Variants in GRIP1 observed in about 807,000 individuals in gnomAD.
GRIP1 encodes the protein glutamate receptor-interacting protein 1.
GRIP1 carries 45 observed loss-of-function variants against 129.9 expected under a neutral mutation model. The observed-to-expected ratio is 0.35, with a 90% confidence interval of 0.27 to 0.44. GRIP1 has a LOEUF of 0.44. Ranked by LOEUF, GRIP1 falls within the 20% of genes least tolerant of loss-of-function variation. The probability of loss-of-function intolerance (pLI) is 1.00; values close to 1 mark genes in which losing one functional copy is unlikely to be tolerated. For synonymous variants in GRIP1, 530 were observed against 520.8 expected, an observed-to-expected ratio of 1.02 and a Z score of -0.24; for missense variants, 1,196 against 1,396.8, an observed-to-expected ratio of 0.86 and a Z score of 2.29.
intron 7 of GRIP1, among the ~76,000 whole-genome samples, chr12:66,511,108 T>C (rs2060685392): frequency 6.6e-6 from 1 of 152,082 alleles, no homozygotes; most frequent in Non-Finnish European, 1.5e-5. Context: ...ATCATGGTGG[T>C]GGGTCTTTCC....
At chr12:66,897,534 C>T (rs1346465698) in intron 1 of GRIP1, among the ~76,000 whole-genome samples, 3 of 152,200 alleles carry the variant, frequency 2.0e-5, no homozygotes, top group African/African-American at 7.2e-5. Flanking sequence ...TCAGCCGCTT[C>T]AGAACATATG....
chr12:66,678,829 A>C, intron 1 of GRIP1, 21 bp downstream of exon 1: 3 of 1,609,264 alleles, frequency 1.9e-6, no homozygotes, highest in Non-Finnish European at 2.6e-6. Context: ...CGCTGAGGGA[A>C]TAACAAGGAA....
At chr12:66,373,037 CACA>C (rs2055599272) in intron 22 of GRIP1, among the ~76,000 whole-genome samples, 1 of 152,162 alleles carries the variant, frequency 6.6e-6, no homozygotes, top group Non-Finnish European at 1.5e-5. Flanking sequence ...ATTTAAGCCT[CACA>C]ACAACTCTAT....
intron 7 of GRIP1, among the ~76,000 whole-genome samples, chr12:66,485,157 G>T (rs1161306875): frequency 6.6e-6 from 1 of 152,144 alleles, no homozygotes; most frequent in Non-Finnish European, 1.5e-5. Flanking sequence ...AAGGGAATGA[G>T]AATTCCAGTT....
At chr12:66,659,463 T>C (rs530380479) in intron 1 of GRIP1, among the ~76,000 whole-genome samples, 39 of 152,198 alleles carry the variant, frequency 2.6e-4, no homozygotes, top group Non-Finnish European at 4.9e-4. Context: ...TGCAAACAAC[T>C]TTGCTCTATT....
chr12:66,536,537 C>T (rs895574436), intron 4 of GRIP1, among the ~76,000 whole-genome samples: 2 of 152,090 alleles, frequency 1.3e-5, no homozygotes, highest in Non-Finnish European at 2.9e-5. Flanking sequence ...ACTCTTTTCC[C>T]CCAGAAATCC....
chr12:66,713,010 C>T (rs944770100), intron 1 of GRIP1, among the ~76,000 whole-genome samples: 1 of 151,932 alleles, frequency 6.6e-6, no homozygotes, highest in Non-Finnish European at 1.5e-5. Context: ...ACATGACATA[C>T]TCAAAAAATT....
chr12:66,841,136 G>T (rs911398950), intron 1 of GRIP1, among the ~76,000 whole-genome samples: 2 of 152,102 alleles, frequency 1.3e-5, no homozygotes, highest in Non-Finnish European at 2.9e-5. Context: ...AGGTCACAAA[G>T]ATATAAGGAA....
intron 1 of GRIP1, among the ~76,000 whole-genome samples, chr12:66,766,473 G>T (rs956344062): frequency 2.0e-5 from 3 of 152,184 alleles, no homozygotes; most frequent in Non-Finnish European, 4.4e-5. Flanking sequence ...TGTACTTTGA[G>T]GTCACATGAC....
rs186991315 is a variant in GRIP1, at chr12:66,575,031, G to A, written c.136+21816C>T. Reference sequence around the variant, plus strand: ...AGGTGATCTGCCTGCCTCAGCCTCCGAAAGTATTGGGATTACAGGCATTAG... The same window carrying A: ...AGGTGATCTGCCTGCCTCAGCCTCCAAAAGTATTGGGATTACAGGCATTAG... On this transcript the variant is annotated intron_variant, in intron 2 of 24. Transcript: ENST00000359742. 1.6e-4 allele frequency among the ~76,000 whole-genome samples: 25 copies of A among 151,938 alleles called. No homozygotes were observed. In the East Asian group the frequency reaches 2.5e-3, roughly 15 times the overall value.
chr12:66,749,050 G>T (rs1424941147), intron 1 of GRIP1, among the ~76,000 whole-genome samples: 3 of 152,186 alleles, frequency 2.0e-5, no homozygotes, highest in African/African-American at 7.2e-5. Context: ...TATGCAAACT[G>T]TATCAGAGAC....
chr12:66,550,594 A>G (rs1493492), intron 2 of GRIP1, among the ~76,000 whole-genome samples: 38,063 of 152,072 alleles, frequency 0.25, 4,902 homozygotes, highest in Admixed American at 0.28. Flanking sequence ...GTTTATCCAT[A>G]TACCCTACTT....
chr12:66,887,726 C>T (rs1415397218), intron 1 of GRIP1, among the ~76,000 whole-genome samples: 1 of 152,186 alleles, frequency 6.6e-6, no homozygotes, highest in Non-Finnish European at 1.5e-5. Context: ...TATAAGCTTA[C>T]ACTTTTCTTT....
intron 7 of GRIP1, among the ~76,000 whole-genome samples, chr12:66,489,866 A>G (rs2060058442): frequency 6.6e-6 from 1 of 152,152 alleles, no homozygotes; most frequent in Non-Finnish European, 1.5e-5. Context: ...TCATAAATGA[A>G]CTCCCATTCA....
chr12:66,483,306 T>C (rs963490653), intron 7 of GRIP1, among the ~76,000 whole-genome samples: 5 of 152,214 alleles, frequency 3.3e-5, no homozygotes, highest in Non-Finnish European at 5.9e-5. Context: ...AATACATTTT[T>C]TTAAATATTT....
intron 1 of GRIP1, among the ~76,000 whole-genome samples, chr12:66,752,124 T>C (rs1401520529): frequency 6.6e-6 from 1 of 152,174 alleles, no homozygotes; most frequent in East Asian, 1.9e-4. Context: ...GTCCATATTA[T>C]GAAACGATAT....
chr12:66,600,792 T>C (rs1261276069), intron 1 of GRIP1, among the ~76,000 whole-genome samples: 1 of 152,238 alleles, frequency 6.6e-6, no homozygotes, highest in African/African-American at 2.4e-5. Flanking sequence ...ATGATCATAT[T>C]AACAAGGGAT....
intron 7 of GRIP1, among the ~76,000 whole-genome samples, chr12:66,498,737 C>T (rs549900048): frequency 6.6e-6 from 1 of 152,160 alleles, no homozygotes; most frequent in South Asian, 2.1e-4. Flanking sequence ...ATCTTTAAAA[C>T]CAGCCAAATT....
At position 66,455,516 on chromosome 12, in the gene GRIP1, C is replaced by T. The variant is rs755981809; in HGVS notation, c.1247G>A (p.Ser416Asn). The T allele has an allele frequency of 5.0e-6, 8 of 1,613,788 alleles. No homozygotes were observed. Among genetic ancestry groups the T allele is most frequent in the Non-Finnish European group, 6.8e-6 (8 of 1,179,814 alleles). ...SFSPTSMSAY[S>N]LSSLNMGTLP... Reference sequence around the variant, plus strand: ...AGTCCCCATGTTCAGGGAACTCAGGCTGTATGCACTCATGGAGGTAGGAGA... The same window carrying T: ...AGTCCCCATGTTCAGGGAACTCAGGTTGTATGCACTCATGGAGGTAGGAGA... The change falls in exon 11 of 25, where the codon AGC becomes AAC. Residue 416 changes from serine (S) to asparagine (N), a missense_variant. By Grantham distance (46) the Ser-to-Asn change is conservative (BLOSUM62 1). Transcript: ENST00000359742.
Sources: allele counts gnomAD v4.1 joint callset (sites outside exome capture counted in the v4.1 genomes callset), GRCh38; gene constraint gnomAD v4.1.1; transcripts MANE v1.5; gene names NCBI Gene and HGNC (gene_info 2026-07-23, HGNC 2026-07-21).